The following PACRG variants were observed in gnomAD, a reference collection of about 807,000 sequenced individuals.
PACRG encodes parkin coregulated, also known as parkin coregulated gene protein.
In PACRG, 29 loss-of-function variants were observed where a neutral mutation model predicts 29.7. That is an observed-to-expected ratio of 0.98 (90% confidence interval 0.73 to 1.33). The LOEUF (loss-of-function observed/expected upper bound fraction) is 1.33. Ranked by LOEUF, PACRG falls within the 40% of genes most tolerant of loss-of-function variation. The pLI is 0.00. For missense variants in PACRG, 279 were observed against 316.2 expected, an observed-to-expected ratio of 0.88 and a Z score of 0.89; for synonymous variants, 116 against 118.7, an observed-to-expected ratio of 0.98 and a Z score of 0.15.
At chr6:162,945,430 G>C (rs545174254) in intron 2 of PACRG, among the ~76,000 whole-genome samples, 100 of 151,892 alleles carry the variant, frequency 6.6e-4, no homozygotes, top group Admixed American at 1.4e-3. Flanking sequence ...AATAATAAAG[G>C]GATCAATTCA....
rs1253798381 is a variant in PACRG at position 163,269,924 on chromosome 6, AAGAAAAC to A, written c.614-44901_614-44895del. The stretch of plus-strand genomic sequence containing the variant: ...AAAGAAAGAAAGAAAGAAAGAAAGA[AAGAAAAC>A]AAAGAAAGAAAGAAAGAAAGAAAGA... On this transcript the variant is annotated intron_variant, in intron 4 of 4. Transcript: ENST00000366888. Among the ~76,000 whole-genome samples, 19 of 66,562 alleles carry A rather than the reference AAGAAAAC, an allele frequency of 2.9e-4. 3 individuals are homozygous for A. Among genetic ancestry groups the A allele is most frequent in the African/African-American group, 1.6e-3 (19 of 11,722 alleles). The allele number at this position is 66,562 out of a possible 152,430, so 43.7% of individuals were successfully genotyped here.
chr6:163,270,074 T>C (rs1259602648), intron 4 of PACRG, among the ~76,000 whole-genome samples: 2 of 151,864 alleles, frequency 1.3e-5, no homozygotes, highest in Non-Finnish European at 2.9e-5. Flanking sequence ...CTCCACCAGA[T>C]ATTAAGATAA....
intron 4 of PACRG, among the ~76,000 whole-genome samples, chr6:163,129,865 T>A (rs1340895712): frequency 6.6e-6 from 1 of 152,190 alleles, no homozygotes; most frequent in African/African-American, 2.4e-5. Context: ...TACAGAATGC[T>A]TAAAACAGTG....
At chr6:162,838,909 A>G (rs1789499955) in intron 2 of PACRG, among the ~76,000 whole-genome samples, 1 of 147,948 alleles carries the variant, frequency 6.8e-6, no homozygotes, top group Admixed American at 6.8e-5. Context: ...ATGTCCCTAC[A>G]AAGGACATGA....
intron 3 of PACRG, among the ~76,000 whole-genome samples, chr6:163,067,129 G>C (rs1811616075): frequency 6.6e-6 from 1 of 152,182 alleles, no homozygotes; most frequent in Admixed American, 6.5e-5. Flanking sequence ...CAAGTGAACA[G>C]CCTTCCTGCT....
chr6:163,132,755 A>G (rs1465185644), intron 4 of PACRG, among the ~76,000 whole-genome samples: 2 of 152,210 alleles, frequency 1.3e-5, no homozygotes, highest in African/African-American at 4.8e-5. Context: ...AAATACCTAA[A>G]TAATTCTTAC....
In PACRG at chr6:162,741,509, A is replaced by G. The variant is rs1341650519; in HGVS notation, c.156+13118A>G. Among the ~76,000 whole-genome samples, 3 of 149,290 alleles carry G rather than the reference A, an allele frequency of 2.0e-5. No individual in the cohort carries two copies. In the East Asian group the frequency reaches 5.9e-4, roughly 29 times the overall value. On this transcript the variant is annotated intron_variant, in intron 1 of 4. Transcript: ENST00000366888. ...CTCCATACATGTTTGTGAGGAGAGC[A>G]TCTCTCTCTCTCTCTCTCTCTCTTT...
At chr6:163,196,867 A>C (rs1460547213) in intron 4 of PACRG, among the ~76,000 whole-genome samples, 1 of 152,082 alleles carries the variant, frequency 6.6e-6, no homozygotes, top group African/African-American at 2.4e-5. Context: ...ATAGACAGAC[A>C]AATAGACAGG....
chr6:162,798,853 ATTAC>A (rs1785600697), intron 1 of PACRG, among the ~76,000 whole-genome samples: 1 of 152,184 alleles, frequency 6.6e-6, no homozygotes, highest in South Asian at 2.1e-4. Context: ...TGTTGTGTGA[ATTAC>A]TTATACAAGT....
At chr6:163,271,457 C>T (rs1783829773) in intron 4 of PACRG, among the ~76,000 whole-genome samples, 1 of 152,116 alleles carries the variant, frequency 6.6e-6, no homozygotes, top group Non-Finnish European at 1.5e-5. Flanking sequence ...GTTTGATGGG[C>T]CTTCCCAATT....
intron 2 of PACRG, among the ~76,000 whole-genome samples, chr6:163,012,893 G>T (rs577652443): frequency 6.6e-6 from 1 of 152,178 alleles, no homozygotes; most frequent in African/African-American, 2.4e-5. Flanking sequence ...AAGCTTTCAC[G>T]GTCTGTGTAA....
intron 4 of PACRG, among the ~76,000 whole-genome samples, chr6:163,275,636 C>T (rs138037481): frequency 0.011 from 1,709 of 152,280 alleles, 35 homozygotes; most frequent in African/African-American, 0.039. Context: ...AAGGTAGCTG[C>T]GGAGAATTCT....
intron 2 of PACRG, among the ~76,000 whole-genome samples, chr6:162,851,006 T>C (rs939637711): frequency 6.6e-6 from 1 of 152,218 alleles, no homozygotes; most frequent in African/African-American, 2.4e-5. Context: ...TACTACAGAA[T>C]TGATTGTTGC....
At chr6:162,739,814 C>G (rs1389589164) in intron 1 of PACRG, among the ~76,000 whole-genome samples, 1 of 146,868 alleles carries the variant, frequency 6.8e-6, no homozygotes, top group African/African-American at 2.5e-5. Context: ...TGCACTCCAG[C>G]CTGGCAACAG....
At chr6:163,269,890 A>AAAAG (rs1314610949) in intron 4 of PACRG, among the ~76,000 whole-genome samples, 1 of 23,818 alleles carries the variant, frequency 4.2e-5, no homozygotes, top group Admixed American at 3.7e-4. Flanking sequence ...AGAAAGAAAG[A>AAAAG]AAACAAAGAA....
At chr6:163,148,487 G>T (rs1284956422) in intron 4 of PACRG, among the ~76,000 whole-genome samples, 1 of 152,168 alleles carries the variant, frequency 6.6e-6, no homozygotes, top group African/African-American at 2.4e-5. Flanking sequence ...TAGCCAGAGA[G>T]CTGCATGGAA....
At chr6:163,242,023 T>G (rs1782527917) in intron 4 of PACRG, among the ~76,000 whole-genome samples, 1 of 152,192 alleles carries the variant, frequency 6.6e-6, no homozygotes, top group African/African-American at 2.4e-5. Flanking sequence ...AAAACAATTT[T>G]TTTAAACCAA....
intron 4 of PACRG, among the ~76,000 whole-genome samples, chr6:163,106,139 G>T (rs1304563509): frequency 2.0e-5 from 3 of 152,086 alleles, no homozygotes; most frequent in Non-Finnish European, 4.4e-5. Flanking sequence ...ATGAGAAAAT[G>T]AATGCAGAGA....
chr6:162,914,694 G>T (rs545625660), intron 2 of PACRG, among the ~76,000 whole-genome samples: 1 of 150,626 alleles, frequency 6.6e-6, no homozygotes, highest in Admixed American at 6.6e-5. Flanking sequence ...CATGATTCTG[G>T]CATATCTTTC....
Sources: gnomAD v4.1 joint callset for allele counts (sites outside exome capture counted in the v4.1 genomes callset) on GRCh38, gnomAD v4.1.1 for gene constraint, MANE v1.5 for transcripts, NCBI Gene and HGNC (gene_info 2026-07-23, HGNC 2026-07-21) for gene names.